Variants in EPHA3 observed in about 807,000 individuals in gnomAD.
The protein encoded by EPHA3 is ephrin type-A receptor 3.
In EPHA3, 42 loss-of-function variants were observed where a neutral mutation model predicts 107.1. That is an observed-to-expected ratio of 0.39 (90% CI 0.31 to 0.51). EPHA3 has a LOEUF of 0.51. EPHA3 is among the 20% of genes least tolerant of loss of function. EPHA3 has a pLI of 0.78. For missense variants in EPHA3, 1,183 were observed against 1,211.2 expected, an observed-to-expected ratio of 0.98 and a Z score of 0.35; for synonymous variants, 461 against 424.8, an observed-to-expected ratio of 1.09 and a Z score of -1.05.
intron 5 of EPHA3, among the ~76,000 whole-genome samples, chr3:89,343,262 A>G (rs1166833297): frequency 6.6e-6 from 1 of 152,238 alleles, no homozygotes; most frequent in African/African-American, 2.4e-5. Flanking sequence ...TTCAACTAGT[A>G]AAGACACAGA....
intron 2 of EPHA3, among the ~76,000 whole-genome samples, chr3:89,130,783 C>T (rs1704190583): frequency 6.6e-6 from 1 of 152,144 alleles, no homozygotes; most frequent in South Asian, 2.1e-4. Context: ...TACAGGCGCC[C>T]GCCACCACGC....
chr3:89,371,427 T>G, intron 5 of EPHA3, among the ~76,000 whole-genome samples: 1 of 151,862 alleles, frequency 6.6e-6, no homozygotes, highest in Middle Eastern at 3.4e-3. Flanking sequence ...CTGGGTCCAC[T>G]TCTATCAGGT....
intron 3 of EPHA3, among the ~76,000 whole-genome samples, chr3:89,247,086 T>A (rs1053070510): frequency 6.6e-6 from 1 of 152,164 alleles, no homozygotes; most frequent in Admixed American, 6.5e-5. Flanking sequence ...TTTTTCTAGA[T>A]ACCGGGAATA....
At chr3:89,329,280 G>A (rs544775429) in intron 3 of EPHA3, among the ~76,000 whole-genome samples, 23 of 151,402 alleles carry the variant, frequency 1.5e-4, no homozygotes, top group Non-Finnish European at 3.1e-4. Context: ...TCCCCGCTCC[G>A]CCCCCACCAT....
intron 2 of EPHA3, among the ~76,000 whole-genome samples, chr3:89,137,562 C>T (rs1240231116): frequency 1.3e-5 from 2 of 151,978 alleles, no homozygotes; most frequent in Admixed American, 6.6e-5. Context: ...ATGTATACAA[C>T]ATAAACCACC....
Position 89,340,931 on chromosome 3 carries a change from T to C in EPHA3, c.830T>C (p.Phe277Ser). The C allele has an allele frequency of 1.2e-6, 2 of 1,607,354 alleles. No individual in the cohort carries two copies. Among genetic ancestry groups the C allele is most frequent in the Non-Finnish European group, 1.7e-6 (2 of 1,177,792 alleles). ...GFMCQACRPG[F>S]YKALDGNMKC... ...TTGTTTGTAGCTTGTCGACCAGGTT[T>C]CTACAAGGCATTGGATGGTAATATG... Residue 277 changes from phenylalanine (F) to serine (S), a missense_variant, in exon 4 of 17, where the codon TTC becomes TCC. Transcript: ENST00000336596.
intron 2 of EPHA3, among the ~76,000 whole-genome samples, chr3:89,196,121 C>T (rs1705831650): frequency 1.3e-5 from 2 of 152,132 alleles, no homozygotes; most frequent in South Asian, 2.1e-4. Context: ...GTTTCCTTTG[C>T]CTTGAATGAT....
intron 5 of EPHA3, among the ~76,000 whole-genome samples, chr3:89,388,492 G>T (rs1439045691): frequency 6.6e-6 from 1 of 152,280 alleles, no homozygotes; most frequent in East Asian, 1.9e-4. Context: ...ATTAGCAAAG[G>T]ATTTTGGAGA....
At chr3:89,310,939 A>C (rs559961872) in intron 3 of EPHA3, among the ~76,000 whole-genome samples, 1 of 152,102 alleles carries the variant, frequency 6.6e-6, no homozygotes, top group South Asian at 2.1e-4. Flanking sequence ...TTGAAGCCAA[A>C]ATGCCTAGGT....
rs1411035734 is a variant in EPHA3 at position 89,431,327 on chromosome 3, G to C, written c.2314G>C (p.Glu772Gln). Reference sequence around the variant, plus strand: ...TGATTTCGGACTTTCGCGTGTCCTGGAGGATGACCCAGAAGCTGCTTATAC... The same window carrying C: ...TGATTTCGGACTTTCGCGTGTCCTGCAGGATGACCCAGAAGCTGCTTATAC... ...VSDFGLSRVL[E>Q]DDPEAAYTTR... The change falls in exon 13 of 17, where the codon GAG becomes CAG. Residue 772 changes from glutamate to glutamine, a missense_variant. Physicochemically the swap from Glu to Gln is conservative, Grantham distance 29 (BLOSUM62 2). Transcript: ENST00000336596. 9.3e-6 allele frequency: 15 copies of C among 1,613,444 alleles called. No homozygotes were observed. The highest frequency in any genetic ancestry group is 1.3e-5 in the Non-Finnish European group (15 of 1,179,916).
intron 5 of EPHA3, among the ~76,000 whole-genome samples, chr3:89,389,972 G>A (rs752416176): frequency 2.2e-4 from 33 of 151,988 alleles, no homozygotes; most frequent in Non-Finnish European, 3.2e-4. Flanking sequence ...TCTACTTCTC[G>A]GCTGAGGTTC....
At chr3:89,402,479 G>T (rs556752927) in intron 7 of EPHA3, among the ~76,000 whole-genome samples, 21 of 152,012 alleles carry the variant, frequency 1.4e-4, no homozygotes, top group African/African-American at 4.8e-4. Context: ...AGAAAAAAAT[G>T]CCTTTTGTCT....
chr3:89,229,829 A>T (rs1325057225), intron 3 of EPHA3, among the ~76,000 whole-genome samples: 1 of 151,978 alleles, frequency 6.6e-6, no homozygotes, highest in Non-Finnish European at 1.5e-5. Flanking sequence ...TTAAAGAAGA[A>T]CTTGATCGTT....
intron 3 of EPHA3, among the ~76,000 whole-genome samples, chr3:89,211,769 T>C (rs1267994870): frequency 5.0e-5 from 7 of 141,322 alleles, no homozygotes; most frequent in African/African-American, 1.4e-4. Context: ...TTCTTCTTCT[T>C]CTTCTTCTTC....
intron 10 of EPHA3, among the ~76,000 whole-genome samples, chr3:89,417,504 T>A (rs189982558): frequency 9.2e-5 from 14 of 151,656 alleles, no homozygotes; most frequent in Admixed American, 8.6e-4. Flanking sequence ...AGCGCTCTGA[T>A]AATGTTCGGA....
chr3:89,259,337 G>C (rs1196781166), intron 3 of EPHA3, among the ~76,000 whole-genome samples: 1 of 151,980 alleles, frequency 6.6e-6, no homozygotes. Context: ...TAGCCATTAT[G>C]TCCATCATCT....
chr3:89,453,770 G>A (rs1710042279), intron 15 of EPHA3, among the ~76,000 whole-genome samples: 1 of 151,852 alleles, frequency 6.6e-6, no homozygotes, highest in Admixed American at 6.6e-5. Context: ...TTAATTTTTA[G>A]TGATGTCCTT....
intron 13 of EPHA3, among the ~76,000 whole-genome samples, chr3:89,438,332 C>A (rs966082269): frequency 1.2e-4 from 18 of 151,904 alleles, no homozygotes; most frequent in African/African-American, 4.4e-4. Flanking sequence ...AGGATGGTCT[C>A]GATCTCCTGA....
rs1479385340 is a variant in EPHA3 at position 89,139,012 on chromosome 3, C to A, written c.153+11739C>A. Among the ~76,000 whole-genome samples the A allele has an allele frequency of 2.0e-5, 3 of 151,652 alleles. No individual in the cohort carries two copies. In the Admixed American group the frequency reaches 2.0e-4, roughly 10 times the overall value. ...GTGTGTTGGGGGACAGAAAAGTACT[C>A]TCGCAGTAGAAGTTATTATATTTCC... On this transcript the variant is annotated intron_variant, in intron 2 of 16. Coordinates refer to ENST00000336596, the MANE Select transcript of EPHA3 (RefSeq NM_005233.6).
Sources: gnomAD v4.1 joint callset for allele counts (sites outside exome capture counted in the v4.1 genomes callset) on GRCh38, gnomAD v4.1.1 for gene constraint, MANE v1.5 for transcripts, NCBI Gene and HGNC (gene_info 2026-07-23, HGNC 2026-07-21) for gene names.